The following VPS13B variants were observed in gnomAD, a reference collection of about 807,000 sequenced individuals.
VPS13B encodes the protein intermembrane lipid transfer protein VPS13B.
VPS13B carries 285 observed loss-of-function variants against 426.4 expected under a neutral mutation model. The ratio of observed to expected loss-of-function variants is 0.67; its 90% confidence interval spans 0.61 to 0.74. The LOEUF is 0.74. VPS13B is among the 30% of genes least tolerant of loss of function. The pLI is 0.00. For missense variants in VPS13B, 4,537 were observed against 4,782.6 expected (o/e 0.95, Z 1.51); for synonymous variants, 1,676 against 1,676.4 (o/e 1.00, Z 0.01).
At chr8:99,783,899 G>A (rs1358307221) in intron 42 of VPS13B, among the ~76,000 whole-genome samples, 2 of 152,096 alleles carry the variant, frequency 1.3e-5, no homozygotes, top group African/African-American at 4.8e-5. Context: ...ACAAACTGTG[G>A]CTTTGGTAAT....
At chr8:99,025,395 C>G (rs2132165938) in intron 2 of VPS13B, among the ~76,000 whole-genome samples, 1 of 152,242 alleles carries the variant, frequency 6.6e-6, no homozygotes, top group African/African-American at 2.4e-5. Context: ...TTGGCCCATT[C>G]TTGCATTCCT....
chr8:99,127,913 A>G (rs190530301), intron 8 of VPS13B, among the ~76,000 whole-genome samples: 1 of 152,290 alleles, frequency 6.6e-6, no homozygotes, highest in Admixed American at 6.5e-5. Context: ...AGTAGAAGAT[A>G]GCTGAATTTT....
intron 17 of VPS13B, among the ~76,000 whole-genome samples, chr8:99,262,466 A>G (rs1818094030): frequency 1.3e-5 from 2 of 152,122 alleles, no homozygotes; most frequent in South Asian, 4.1e-4. Flanking sequence ...CTTTCTTGGT[A>G]CACCTGTCTT....
intron 2 of VPS13B, among the ~76,000 whole-genome samples, chr8:99,029,580 C>G (rs1352386594): frequency 6.6e-6 from 1 of 152,032 alleles, no homozygotes; most frequent in East Asian, 1.9e-4. Context: ...GAGACCAGCC[C>G]GGCCAACACA....
chr8:99,309,124 T>C (rs1489557648), intron 19 of VPS13B, among the ~76,000 whole-genome samples: 1 of 152,194 alleles, frequency 6.6e-6, no homozygotes, highest in African/African-American at 2.4e-5. Context: ...TCTCCCATTC[T>C]GTAGGTTGCC....
intron 19 of VPS13B, among the ~76,000 whole-genome samples, chr8:99,376,031 G>A (rs927309654): frequency 1.3e-5 from 2 of 152,168 alleles, no homozygotes; most frequent in African/African-American, 4.8e-5. Flanking sequence ...TCATTCTTCA[G>A]CGTAGGGTGT....
chr8:99,134,887 G>A (rs1288866042), intron 9 of VPS13B, 128 bp from the exon 10 acceptor site: 70 of 1,252,638 alleles, frequency 5.6e-5, no homozygotes, highest in Non-Finnish European at 7.4e-5. Context: ...TAAATAAATA[G>A]TATAGAATAA....
intron 19 of VPS13B, among the ~76,000 whole-genome samples, chr8:99,291,449 G>A (rs1161632069): frequency 6.6e-6 from 1 of 152,106 alleles, no homozygotes; most frequent in Admixed American, 6.6e-5. Flanking sequence ...ACAGGCTATG[G>A]AGATTTCAGA....
At chr8:99,024,862 G>A (rs1466141447) in intron 2 of VPS13B, among the ~76,000 whole-genome samples, 1 of 152,152 alleles carries the variant, frequency 6.6e-6, no homozygotes, top group African/African-American at 2.4e-5. Flanking sequence ...AATAGGAATT[G>A]CATTGAATCT....
chr8:99,107,434 A>G (rs1200367069), intron 5 of VPS13B, among the ~76,000 whole-genome samples: 1 of 152,226 alleles, frequency 6.6e-6, no homozygotes, highest in African/African-American at 2.4e-5. Flanking sequence ...AATACTTGCC[A>G]TAATGGATTA....
intron 19 of VPS13B, chr8:99,341,000 C>G (rs1256636171): frequency 1.1e-5 from 3 of 262,914 alleles, no homozygotes; most frequent in African/African-American, 2.3e-5. Flanking sequence ...AAAGAAAACA[C>G]TTAGCTGAAG....
chr8:99,343,654 A>G (rs1199776086), intron 19 of VPS13B, among the ~76,000 whole-genome samples: 1 of 152,228 alleles, frequency 6.6e-6, no homozygotes, highest in Admixed American at 6.5e-5. Context: ...ATAACAAACT[A>G]TCCGAAAAGG....
intron 33 of VPS13B, among the ~76,000 whole-genome samples, chr8:99,630,481 T>G (rs1168293412): frequency 6.6e-6 from 1 of 152,094 alleles, no homozygotes; most frequent in Non-Finnish European, 1.5e-5. Context: ...ATCTCTAACC[T>G]AGAAGGTAGG....
chr8:99,636,052 G>A (rs12542004), intron 33 of VPS13B, among the ~76,000 whole-genome samples: 20,630 of 151,858 alleles, frequency 0.14, 1,954 homozygotes, highest in East Asian at 0.39. Flanking sequence ...GGGAAAATGC[G>A]CTGAAATGAT....
intron 17 of VPS13B, among the ~76,000 whole-genome samples, chr8:99,199,529 A>T (rs931148649): frequency 3.9e-5 from 6 of 152,002 alleles, no homozygotes; most frequent in African/African-American, 1.4e-4. Flanking sequence ...TCATAATCTC[A>T]TGCCTCTAGC....
At chr8:99,515,377 G>GCTGCTGCTGCTGCTGCTT (rs1373198732) in intron 29 of VPS13B, among the ~76,000 whole-genome samples, 1 of 151,730 alleles carries the variant, frequency 6.6e-6, no homozygotes, top group Non-Finnish European at 1.5e-5. Context: ...TGCTGCTGCT[G>GCTGCTGCTGCTGCTGCTT]CTGCTGCTGC....
intron 28 of VPS13B, among the ~76,000 whole-genome samples, chr8:99,510,879 A>T (rs1821756638): frequency 6.6e-6 from 1 of 152,138 alleles, no homozygotes; most frequent in Admixed American, 6.5e-5. Flanking sequence ...ACCTCCCTCA[A>T]GATCTAGAAC....
chr8:99,065,927 A>G (rs1223838577), intron 3 of VPS13B, among the ~76,000 whole-genome samples: 2 of 152,236 alleles, frequency 1.3e-5, no homozygotes, highest in African/African-American at 2.4e-5. Flanking sequence ...ATAAATACCT[A>G]GGAATCCAAC....
At chr8:99,096,869 A>G (rs574165926) in intron 4 of VPS13B, among the ~76,000 whole-genome samples, 2 of 152,332 alleles carry the variant, frequency 1.3e-5, no homozygotes, top group Non-Finnish European at 2.9e-5. Context: ...TGACTTCAGA[A>G]CAAATTGGGT....
Sources: allele counts gnomAD v4.1 joint callset (sites outside exome capture counted in the v4.1 genomes callset), GRCh38; gene constraint gnomAD v4.1.1; transcripts MANE v1.5; gene names NCBI Gene and HGNC (gene_info 2026-07-23, HGNC 2026-07-21).